Variants in GABRG2 observed in about 807,000 individuals in gnomAD.
The protein encoded by GABRG2 is gamma-aminobutyric acid receptor subunit gamma-2.
In GABRG2, 16 loss-of-function variants were observed where a neutral mutation model predicts 56.4. The ratio of observed to expected loss-of-function variants is 0.28; its 90% CI spans 0.19 to 0.43. The LOEUF is 0.43. GABRG2 is among the 20% of genes least tolerant of loss of function. The pLI, the probability that GABRG2 is intolerant of heterozygous loss-of-function variation, is 1.00. For missense variants in GABRG2, 327 were observed against 582.7 expected, an observed-to-expected ratio of 0.56 and a Z score of 4.52; for synonymous variants, 208 against 205.5, an observed-to-expected ratio of 1.01 and a Z score of -0.10.
Position 162,067,900 on chromosome 5 carries a change from G to A in GABRG2, c.-100G>A, listed in dbSNP as rs1022155938. On this transcript the variant is annotated 5_prime_UTR_variant, in exon 1 of 10. Transcript: ENST00000639213. ...GAAGGACCTACTAGAGGCAGGTGGG[G>A]GGAGCCACCATCAGATCATAAGCAT... The A allele has an allele frequency of 4.8e-6, 4 of 826,442 alleles. No individual in the cohort carries two copies. The highest frequency in any genetic ancestry group is 8.2e-6 in the Non-Finnish European group (4 of 485,632). 51.2% of individuals were successfully genotyped at this position (826,442 alleles called of 1,614,324 possible).
chr5:162,101,440 G>C, intron 5 of GABRG2, 123 bp downstream of exon 5: 1 of 755,900 alleles, frequency 1.3e-6, no homozygotes, highest in Admixed American at 2.0e-5. Context: ...TACTGACTTC[G>C]ATGATTTTGA....
chr5:162,100,853 C>T (rs577187459), intron 4 of GABRG2, among the ~76,000 whole-genome samples: 1 of 152,252 alleles, frequency 6.6e-6, no homozygotes, highest in Non-Finnish European at 1.5e-5. Flanking sequence ...GAATTATCAA[C>T]ATTCATTTAC....
chr5:162,074,736 A>G (rs541769746), intron 1 of GABRG2, among the ~76,000 whole-genome samples: 16 of 152,262 alleles, frequency 1.1e-4, no homozygotes, highest in African/African-American at 3.6e-4. Flanking sequence ...AAATTAATGT[A>G]TAATTTCTTA....
rs2113552271 is a variant in GABRG2 at position 162,134,070 on chromosome 5, T to C, written c.770-8094T>C. Among the ~76,000 whole-genome samples, 2 of 152,274 alleles carry C rather than the reference T, an allele frequency of 1.3e-5. 1 individual carries two copies. The highest frequency in any genetic ancestry group is 4.1e-4 in the South Asian group (2 of 4,830). ...AACCACATTCTTGACATTCAACAAT[T>C]AGTCAGCTTTCCACATTGTTTTTGT... On this transcript the variant is annotated intron_variant, in intron 6 of 9. Coordinates refer to ENST00000639213, the MANE Select transcript of GABRG2 (RefSeq NM_198904.4).
intron 6 of GABRG2, among the ~76,000 whole-genome samples, chr5:162,127,553 T>C (rs1763428143): frequency 6.6e-6 from 1 of 151,894 alleles, no homozygotes; most frequent in Non-Finnish European, 1.5e-5. Flanking sequence ...AGATTAGAGA[T>C]TCTGTTTTGT....
At position 162,093,154 on chromosome 5, in the gene GABRG2, A is replaced by G. The variant is rs371819927; in HGVS notation, c.108-674A>G. 8.5e-5 allele frequency among the ~76,000 whole-genome samples: 13 copies of G among 152,170 alleles called. No homozygotes were observed. In the East Asian group the frequency reaches 1.3e-3, roughly 16 times the overall value. On this transcript the variant is annotated intron_variant, in intron 1 of 9. Coordinates refer to ENST00000639213, the MANE Select transcript of GABRG2 (RefSeq NM_198904.4). ...TTCATTTCTATGATTATAGCACATT[A>G]ACTATTGCATTTGCCATGATAAAGG...
At chr5:162,105,814 T>TACACACACACACACAC (rs67276484) in intron 6 of GABRG2, among the ~76,000 whole-genome samples, 115 of 147,582 alleles carry the variant, frequency 7.8e-4, no homozygotes, top group African/African-American at 2.7e-3. Flanking sequence ...AGAAAACACA[T>TACACACACACACACAC]ACACACACAC....
chr5:162,147,549 A>G (rs1765056666), intron 7 of GABRG2, among the ~76,000 whole-genome samples: 1 of 151,998 alleles, frequency 6.6e-6, no homozygotes, highest in Non-Finnish European at 1.5e-5. Flanking sequence ...TATTTTTAGT[A>G]GAGACAAGGT....
At chr5:162,087,783 T>A (rs1760244180) in intron 1 of GABRG2, among the ~76,000 whole-genome samples, 1 of 152,170 alleles carries the variant, frequency 6.6e-6, no homozygotes, top group Non-Finnish European at 1.5e-5. Context: ...TCATCTTAGC[T>A]AATAAAATCC....
intron 6 of GABRG2, among the ~76,000 whole-genome samples, chr5:162,116,989 T>C (rs1762666292): frequency 6.6e-6 from 1 of 152,184 alleles, no homozygotes; most frequent in South Asian, 2.1e-4. Context: ...AGGAATACCA[T>C]ACTCTCAGAG....
chr5:162,145,225 C>T (rs1764868819), intron 7 of GABRG2, among the ~76,000 whole-genome samples: 2 of 152,128 alleles, frequency 1.3e-5, no homozygotes, highest in South Asian at 2.1e-4. Context: ...TGGGCAGCCA[C>T]CATCTTGGAG....
chr5:162,109,148 A>T (rs1242026251), intron 6 of GABRG2, among the ~76,000 whole-genome samples: 3 of 151,908 alleles, frequency 2.0e-5, no homozygotes, highest in Admixed American at 2.0e-4. Flanking sequence ...AAAGACAAAA[A>T]ATCAAACACC....
chr5:162,103,619 T>C, intron 5 of GABRG2: 1 of 462,056 alleles, frequency 2.2e-6, no homozygotes, highest in South Asian at 2.1e-5. Flanking sequence ...GCATATGGCA[T>C]ATATAAAATC....
intron 6 of GABRG2, among the ~76,000 whole-genome samples, chr5:162,138,703 C>T (rs1055499774): frequency 3.3e-5 from 5 of 152,190 alleles, no homozygotes; most frequent in South Asian, 2.1e-4. Flanking sequence ...ATAAGAGTGA[C>T]GAGAGAGGCA....
chr5:162,097,928 G>A, intron 4 of GABRG2, 70 bp downstream of exon 4: 1 of 1,284,886 alleles, frequency 7.8e-7, no homozygotes, highest in Non-Finnish European at 1.1e-6. Flanking sequence ...TCAACCTTAA[G>A]TCTCTAAAAG....
intron 1 of GABRG2, among the ~76,000 whole-genome samples, chr5:162,080,597 T>G (rs949591177): frequency 3.9e-5 from 6 of 152,180 alleles, no homozygotes; most frequent in African/African-American, 1.4e-4. Context: ...TGAATTGCAT[T>G]CTAGGTAAGG....
At chr5:162,133,260 C>T (rs1422827) in intron 6 of GABRG2, among the ~76,000 whole-genome samples, 6,079 of 152,068 alleles carry the variant, frequency 0.04, 442 homozygotes, top group African/African-American at 0.14. Flanking sequence ...ACTCTGTGTT[C>T]GAAAGATGAC....
At chr5:162,126,784 A>C (rs1763368816) in intron 6 of GABRG2, among the ~76,000 whole-genome samples, 1 of 151,898 alleles carries the variant, frequency 6.6e-6, no homozygotes, top group South Asian at 2.1e-4. Context: ...CTCTCCCTGA[A>C]ACGTTCTTCA....
At position 162,136,819 on chromosome 5, in the gene GABRG2, T is replaced by G. The variant is rs576741135; in HGVS notation, c.770-5345T>G. Among the ~76,000 whole-genome samples, 20 of 152,262 alleles carry G rather than the reference T, an allele frequency of 1.3e-4. No homozygotes were observed. In the East Asian group the frequency reaches 3.5e-3, roughly 26 times the overall value. ...TTCAAAAATGTGCCTGTCAGAAAGTTTAATTGTGGTGTGTAAGATAAATTA... is the reference window on the plus strand; with the variant it reads ...TTCAAAAATGTGCCTGTCAGAAAGTGTAATTGTGGTGTGTAAGATAAATTA... On this transcript the variant is annotated intron_variant, in intron 6 of 9. Coordinates refer to ENST00000639213, the MANE Select transcript of GABRG2 (RefSeq NM_198904.4).
Sources: allele counts gnomAD v4.1 joint callset (sites outside exome capture counted in the v4.1 genomes callset), GRCh38; gene constraint gnomAD v4.1.1; transcripts MANE v1.5; gene names NCBI Gene and HGNC (gene_info 2026-07-23, HGNC 2026-07-21).